SLC30A8: variants seen among roughly 807,000 people sequenced by gnomAD.
SLC30A8 encodes the protein proton-coupled zinc antiporter SLC30A8.
SLC30A8 carries 27 observed loss-of-function variants against 36.9 expected under a neutral mutation model. The observed-to-expected ratio is 0.73, with a 90% CI of 0.54 to 1.01. The LOEUF (loss-of-function observed/expected upper bound fraction) is 1.01, where lower values mean the gene tolerates loss of function less well. SLC30A8 is among the 50% of genes least tolerant of loss of function. The probability of loss-of-function intolerance (pLI) is 0.00; values close to 1 mark genes in which losing one functional copy is unlikely to be tolerated. For missense variants in SLC30A8, 439 were observed against 452.0 expected, an observed-to-expected ratio of 0.97 and a Z score of 0.26; for synonymous variants, 164 against 172.4, an observed-to-expected ratio of 0.95 and a Z score of 0.38.
intron 2 of SLC30A8, among the ~76,000 whole-genome samples, chr8:117,088,948 G>A (rs1485241568): frequency 2.0e-5 from 3 of 152,194 alleles, no homozygotes; most frequent in African/African-American, 7.2e-5. Flanking sequence ...TCACCAAGGT[G>A]ATATGTAATC....
chr8:117,108,391 C>CTCATATGCTAAAAAAA (rs1250237195), intron 2 of SLC30A8, among the ~76,000 whole-genome samples: 4 of 152,134 alleles, frequency 2.6e-5, no homozygotes, highest in African/African-American at 9.7e-5. Flanking sequence ...ATGCTAAATT[C>CTCATATGCTAAAAAAA]AGACTTTTCT....
chr8:117,064,510 T>G (rs1384325354), intron 2 of SLC30A8, among the ~76,000 whole-genome samples: 5 of 152,306 alleles, frequency 3.3e-5, no homozygotes, highest in South Asian at 2.1e-4. Flanking sequence ...AACAAGATAT[T>G]ACAGCGAGAT....
At chr8:117,118,880 A>G (rs1446860043) in intron 2 of SLC30A8, among the ~76,000 whole-genome samples, 2 of 151,954 alleles carry the variant, frequency 1.3e-5, no homozygotes, top group Admixed American at 6.6e-5. Context: ...TGGCAAATTT[A>G]TAGAAAGAAA....
upstream of SLC30A8, chr8:117,130,074 G>A (rs1052107361): frequency 5.9e-5 from 9 of 151,926 alleles, no homozygotes; most frequent in Admixed American, 5.3e-4. Flanking sequence ...TGAGATTTGC[G>A]ACAATTGGAT....
chr8:116,979,118 T>A lies in SLC30A8; in HGVS notation c.-266+27999T>A, dbSNP rs974668194. ...TGGGTGTGGTGACACACGCTTGTAG[T>A]ATCCCAGCTACTCGGGAGGCTGAGG... is the stretch of plus-strand genomic sequence containing the variant. On this transcript the variant is annotated intron_variant, in intron 1 of 10. Transcript: ENST00000427715. Among the ~76,000 whole-genome samples the A allele has an allele frequency of 9.3e-5, 14 of 150,692 alleles. 1 individual carries two copies. The highest frequency in any genetic ancestry group is 3.4e-4 in the African/African-American group (14 of 41,032).
chr8:117,150,218 AAAG>A (rs1218280620), intron 2 of SLC30A8, among the ~76,000 whole-genome samples: 9 of 152,224 alleles, frequency 5.9e-5, no homozygotes, highest in Middle Eastern at 3.2e-3. Context: ...CAAAATAATT[AAAG>A]AAGAATTTAA....
intron 1 of SLC30A8, among the ~76,000 whole-genome samples, chr8:116,989,680 G>A (rs1388316587): frequency 6.6e-6 from 1 of 152,198 alleles, no homozygotes; most frequent in Non-Finnish European, 1.5e-5. Context: ...TCAGAAGGAT[G>A]CAGTAGGACA....
At chr8:117,019,092 T>C (rs1394022659) in intron 1 of SLC30A8, among the ~76,000 whole-genome samples, 2 of 152,236 alleles carry the variant, frequency 1.3e-5, no homozygotes, top group African/African-American at 4.8e-5. Context: ...ATATTTAGTC[T>C]CTGGCCCTTT....
At chr8:116,962,029 A>G (rs3020115) in intron 1 of SLC30A8, among the ~76,000 whole-genome samples, 89,596 of 151,698 alleles carry the variant, frequency 0.59, 26,947 homozygotes, top group Middle Eastern at 0.62. Flanking sequence ...TGAAATATCT[A>G]GTCTTGGATA....
chr8:117,014,117 A>T (rs1816432645), intron 1 of SLC30A8, among the ~76,000 whole-genome samples: 1 of 152,204 alleles, frequency 6.6e-6, no homozygotes, highest in African/African-American at 2.4e-5. Flanking sequence ...CAAAACCGCA[A>T]TTACTTTTGC....
intron 6 of SLC30A8, among the ~76,000 whole-genome samples, chr8:117,166,766 ATTTTTTT>A (rs71305462): frequency 3.2e-3 from 411 of 128,656 alleles, no homozygotes; most frequent in African/African-American, 0.012. Context: ...ACATTAGCTG[ATTTTTTT>A]TTTTTTTTTT....
At chr8:117,039,085 T>C (rs1817305855) in intron 1 of SLC30A8, 1 of 152,198 alleles carries the variant, frequency 6.6e-6, no homozygotes, top group Non-Finnish European at 1.5e-5. Context: ...TAAATGATGA[T>C]TTATTCCTTT....
At chr8:117,064,256 A>G (rs1818103664) in intron 2 of SLC30A8, among the ~76,000 whole-genome samples, 1 of 152,082 alleles carries the variant, frequency 6.6e-6, no homozygotes, top group South Asian at 2.1e-4. Flanking sequence ...TCGGCCTCCC[A>G]AAGTGCTGGG....
At chr8:117,078,314 T>G (rs1349609525) in intron 2 of SLC30A8, among the ~76,000 whole-genome samples, 1 of 152,186 alleles carries the variant, frequency 6.6e-6, no homozygotes, top group Non-Finnish European at 1.5e-5. Flanking sequence ...ACTGCTTGCT[T>G]CCTAAGTGCC....
chr8:117,099,775 GATAAA>G (rs1303314288), intron 2 of SLC30A8, among the ~76,000 whole-genome samples: 6 of 152,148 alleles, frequency 3.9e-5, no homozygotes, highest in South Asian at 2.1e-4. Flanking sequence ...AGGGTTTATT[GATAAA>G]ATAAACTCTG....
At chr8:117,012,504 G>A (rs1816376078) in intron 1 of SLC30A8, among the ~76,000 whole-genome samples, 1 of 151,704 alleles carries the variant, frequency 6.6e-6, no homozygotes, top group Admixed American at 6.6e-5. Context: ...TATTTACATA[G>A]CGTTTACATT....
intron 1 of SLC30A8, among the ~76,000 whole-genome samples, chr8:117,136,271 A>G (rs1043536863): frequency 2.6e-5 from 4 of 152,036 alleles, no homozygotes; most frequent in Non-Finnish European, 5.9e-5. Context: ...ATAATTGCAC[A>G]GTAAATATAC....
At chr8:117,018,674 C>A (rs867254348) in intron 1 of SLC30A8, among the ~76,000 whole-genome samples, 7 of 119,630 alleles carry the variant, frequency 5.9e-5, no homozygotes, top group Admixed American at 2.5e-4. Context: ...CCCCCCCCCC[C>A]CTTTTTTTTT....
chr8:117,047,491 C>T (rs1817588480), intron 2 of SLC30A8, among the ~76,000 whole-genome samples: 1 of 152,114 alleles, frequency 6.6e-6, no homozygotes, highest in Non-Finnish European at 1.5e-5. Flanking sequence ...GATAACTCCT[C>T]TGAGGATTAT....
Sources: allele counts gnomAD v4.1 joint callset (sites outside exome capture counted in the v4.1 genomes callset), GRCh38; gene constraint gnomAD v4.1.1; transcripts MANE v1.5; gene names NCBI Gene and HGNC (gene_info 2026-07-23, HGNC 2026-07-21).